DLGAP2: variants seen among roughly 807,000 people sequenced by gnomAD.
The protein encoded by DLGAP2 is DLG associated protein 2.
A neutral mutation model predicts 100.3 loss-of-function variants in DLGAP2; 26 were observed. The observed-to-expected ratio is 0.26, with a 90% CI of 0.19 to 0.36. The LOEUF (loss-of-function observed/expected upper bound fraction) is 0.36. Ranked by LOEUF, DLGAP2 falls within the 10% of genes least tolerant of loss-of-function variation. DLGAP2 has a pLI of 1.00. For missense variants in DLGAP2, 1,858 were observed against 1,453.2 expected (o/e 1.28, Z -4.53); for synonymous variants, 886 against 630.1 (o/e 1.41, Z -6.08).
intron 2 of DLGAP2, among the ~76,000 whole-genome samples, chr8:1,208,602 A>C (rs1378762380): frequency 1.6e-5 from 2 of 122,404 alleles, no homozygotes; most frequent in African/African-American, 8.2e-5. Context: ...ACTTCTGTTC[A>C]ACATAGTACT....
intron 3 of DLGAP2, among the ~76,000 whole-genome samples, chr8:1,316,564 G>A (rs1436361545): frequency 1.1e-4 from 12 of 110,104 alleles, no homozygotes; most frequent in East Asian, 7.3e-4. Flanking sequence ...CGAGTGCAGC[G>A]TCTCTCCAAC....
chr8:1,537,179 G>A (rs1314535368), intron 4 of DLGAP2, among the ~76,000 whole-genome samples: 2 of 152,116 alleles, frequency 1.3e-5, no homozygotes, highest in African/African-American at 2.4e-5. Flanking sequence ...TGGAGCTTAC[G>A]ACCTAATGGG....
chr8:1,681,862 G>A (rs570184118), intron 12 of DLGAP2, among the ~76,000 whole-genome samples: 2 of 150,000 alleles, frequency 1.3e-5, no homozygotes, highest in African/African-American at 5.1e-5. Context: ...TGGGAGTCAC[G>A]GCCCTCTGAC....
At chr8:822,231 C>T (rs1316407894) in intron 1 of DLGAP2, 79 of 399,240 alleles carry the variant, frequency 2.0e-4, no homozygotes, top group South Asian at 1.3e-4. Context: ...TGTGTGTGTC[C>T]GTCTTGCGGT....
At chr8:1,164,695 G>A (rs564677925) in intron 2 of DLGAP2, among the ~76,000 whole-genome samples, 42 of 152,266 alleles carry the variant, frequency 2.8e-4, no homozygotes, top group African/African-American at 9.1e-4. Flanking sequence ...GATCTCCATC[G>A]TCAGTTCTGT....
chr8:985,775 C>T (rs71516129), intron 2 of DLGAP2, among the ~76,000 whole-genome samples: 17,341 of 152,112 alleles, frequency 0.11, 1,472 homozygotes, highest in Admixed American at 0.26. Context: ...GCCTTTTGAT[C>T]CCAGTGTTTC....
chr8:1,253,081 C>A (rs1799085447), intron 2 of DLGAP2, among the ~76,000 whole-genome samples: 1 of 152,204 alleles, frequency 6.6e-6, no homozygotes, highest in Non-Finnish European at 1.5e-5. Flanking sequence ...CCGCCCACGC[C>A]CGGGCCTGTC....
At chr8:1,316,602 G>T (rs1176551417) in intron 3 of DLGAP2, among the ~76,000 whole-genome samples, 1 of 143,158 alleles carries the variant, frequency 7.0e-6, no homozygotes, top group Non-Finnish European at 1.5e-5. Context: ...ACACTCGGCA[G>T]CGTTTAAAAA....
chr8:1,648,410 A>G (rs1798091201), intron 8 of DLGAP2, among the ~76,000 whole-genome samples: 1 of 152,098 alleles, frequency 6.6e-6, no homozygotes, highest in African/African-American at 2.4e-5. Flanking sequence ...ATCAACTTCC[A>G]TTCTAAGTTC....
At chr8:1,524,488 T>G (rs1244885573) in intron 4 of DLGAP2, among the ~76,000 whole-genome samples, 1 of 152,098 alleles carries the variant, frequency 6.6e-6, no homozygotes, top group East Asian at 1.9e-4. Flanking sequence ...ACGTTGATTC[T>G]CCCATGTCCT....
At chr8:1,191,189 T>C (rs75314778) in intron 2 of DLGAP2, among the ~76,000 whole-genome samples, 1 of 128,324 alleles carries the variant, frequency 7.8e-6, no homozygotes, top group South Asian at 2.4e-4. Flanking sequence ...TTTTTTTTTT[T>C]GAGACGGAAT....
Position 1,701,574 on chromosome 8 carries a change from C to G in DLGAP2, c.*168C>G, listed in dbSNP as rs1215134335. ...ACGCGGCCGGCGGCCTCAGAGTCCA[C>G]GGAGCTCGCGGCGAGGACGACTTCT... On this transcript the variant is annotated 3_prime_UTR_variant, in exon 15 of 15. Transcript: ENST00000637795. The G allele has an allele frequency of 1.4e-6, 1 of 702,804 alleles. No individual in the cohort carries two copies. The highest frequency in any genetic ancestry group is 2.3e-6 in the Non-Finnish European group (1 of 436,364). 43.5% of individuals were successfully genotyped at this position (702,804 alleles called of 1,614,324 possible). A position where few individuals can be genotyped will look rare whatever the true frequency, so the allele number is the denominator to read the frequency against.
intron 3 of DLGAP2, among the ~76,000 whole-genome samples, chr8:1,276,751 C>T (rs59425194): frequency 0.15 from 22,651 of 151,986 alleles, 2,090 homozygotes; most frequent in South Asian, 0.21. Context: ...AAATGTAGTG[C>T]TTATTTAAAA....
chr8:823,858 C>T (rs1407701950), intron 1 of DLGAP2, among the ~76,000 whole-genome samples: 6 of 152,136 alleles, frequency 3.9e-5, no homozygotes. Context: ...GTCCATCCAC[C>T]CGGGCTGTCC....
intron 2 of DLGAP2, among the ~76,000 whole-genome samples, chr8:1,174,342 C>G (rs1797204700): frequency 6.6e-6 from 1 of 151,634 alleles, no homozygotes; most frequent in Non-Finnish European, 1.5e-5. Flanking sequence ...ATTACCATTA[C>G]CACCATCATT....
intron 2 of DLGAP2, among the ~76,000 whole-genome samples, chr8:1,084,789 C>T (rs1166106109): frequency 6.6e-6 from 1 of 152,170 alleles, no homozygotes; most frequent in African/African-American, 2.4e-5. Flanking sequence ...TTGATGGACA[C>T]AGGTTGATTC....
rs374033793 is a variant in DLGAP2 at position 1,684,877 on chromosome 8, G to C, written c.2704+6248G>C. Among the ~76,000 whole-genome samples, 79 of 152,180 alleles carry C rather than the reference G, an allele frequency of 5.2e-4. 1 individual carries two copies. Among genetic ancestry groups the C allele is most frequent in the African/African-American group, 1.8e-3 (76 of 41,466 alleles). ...AACTCTCATCAAGAACTCACCAAGGGAGCACATGTACACACAGGATCTTTC... is the reference window on the plus strand; with the variant it reads ...AACTCTCATCAAGAACTCACCAAGGCAGCACATGTACACACAGGATCTTTC... On this transcript the variant is annotated intron_variant, in intron 12 of 14. Coordinates refer to ENST00000637795, the MANE Select transcript of DLGAP2 (RefSeq NM_001346810.2).
chr8:1,007,307 A>T (rs1584968138), intron 2 of DLGAP2, among the ~76,000 whole-genome samples: 1 of 152,120 alleles, frequency 6.6e-6, no homozygotes, highest in East Asian at 1.9e-4. Context: ...TTGCTGGAGG[A>T]CCTGGCCAGC....
In DLGAP2 at chr8:1,703,263, G is replaced by A. The variant is rs1258264424; in HGVS notation, c.*1857G>A. 2 of 151,232 alleles carry A rather than the reference G, an allele frequency of 1.3e-5. No homozygotes were observed. Among genetic ancestry groups the A allele is most frequent in the Non-Finnish European group, 2.9e-5 (2 of 67,880 alleles). The allele number at this position is 151,232 out of a possible 1,614,324, so 9.4% of individuals were successfully genotyped here. On this transcript the variant is annotated 3_prime_UTR_variant, in exon 15 of 15. Coordinates refer to ENST00000637795, the MANE Select transcript of DLGAP2 (RefSeq NM_001346810.2). ...AAACAGCCTTAAAATATATTTGGAA[G>A]CAAAAATCAGTACGAATGTATCTCC...
Sources: allele counts gnomAD v4.1 joint callset (sites outside exome capture counted in the v4.1 genomes callset), GRCh38; gene constraint gnomAD v4.1.1; transcripts MANE v1.5; gene names NCBI Gene and HGNC (gene_info 2026-07-23, HGNC 2026-07-21).